The following NOX4 variants were observed in gnomAD, a reference collection of about 807,000 sequenced individuals.
NOX4 encodes kidney oxidase-1.
NOX4 carries 69 observed loss-of-function variants against 87.6 expected under a neutral mutation model. The ratio of observed to expected loss-of-function variants is 0.79; its 90% confidence interval spans 0.65 to 0.96. The LOEUF is 0.96. Ranked by LOEUF, NOX4 falls within the 40% of genes least tolerant of loss-of-function variation. The pLI is 0.00. For missense variants in NOX4, 680 were observed against 681.5 expected (o/e 1.00, Z 0.02); for synonymous variants, 275 against 238.2 (o/e 1.15, Z -1.42).
the NOX4 span, among the ~76,000 whole-genome samples, chr11:89,507,622 G>C: frequency 6.6e-6 from 1 of 151,482 alleles, no homozygotes; most frequent in Admixed American, 6.6e-5. Context: ...CTATCCCATG[G>C]GGCAATTCAG....
chr11:89,491,467 G>A (rs1337642383), upstream of NOX4: 6 of 523,084 alleles, frequency 1.1e-5, no homozygotes, highest in Non-Finnish European at 2.0e-5. Flanking sequence ...ACCCGCACCG[G>A]GTCAGCTCTG....
intron 8 of NOX4, among the ~76,000 whole-genome samples, chr11:89,408,126 G>A (rs1458636435): frequency 2.0e-5 from 3 of 152,060 alleles, no homozygotes; most frequent in Non-Finnish European, 4.4e-5. Context: ...TCTAACTTCT[G>A]TAGAATCCAC....
chr11:89,475,623 G>A (rs1946133878), intron 2 of NOX4, among the ~76,000 whole-genome samples: 1 of 152,012 alleles, frequency 6.6e-6, no homozygotes, highest in African/African-American at 2.4e-5. Flanking sequence ...GTAAAGCGCA[G>A]GCTTCAACAG....
At chr11:89,520,474 G>T in the NOX4 span, among the ~76,000 whole-genome samples, 1 of 152,010 alleles carries the variant, frequency 6.6e-6, no homozygotes, top group Admixed American at 6.6e-5. Context: ...GTAGTATGAA[G>T]ATGTTTAAAA....
chr11:89,466,004 G>A (rs2135428736), intron 2 of NOX4, among the ~76,000 whole-genome samples: 1 of 152,210 alleles, frequency 6.6e-6, no homozygotes, highest in Non-Finnish European at 1.5e-5. Flanking sequence ...TATAAGAAGA[G>A]GAGGACACCA....
intron 11 of NOX4, among the ~76,000 whole-genome samples, chr11:89,394,621 T>C (rs1941350258): frequency 6.6e-6 from 1 of 152,128 alleles, no homozygotes; most frequent in Admixed American, 6.6e-5. Flanking sequence ...TCATTTACAT[T>C]AGGTATTTCT....
chr11:89,587,138 C>T, the NOX4 span, among the ~76,000 whole-genome samples: 151 of 151,882 alleles, frequency 9.9e-4, no homozygotes, highest in African/African-American at 3.2e-3. Context: ...GGGCTGGCAC[C>T]CTATGGGGTC....
the NOX4 span, among the ~76,000 whole-genome samples, chr11:89,579,931 T>A: frequency 4.6e-5 from 7 of 151,864 alleles, no homozygotes; most frequent in African/African-American, 1.7e-4. Flanking sequence ...AAAAAGACCA[T>A]TTAGAAGATA....
At chr11:89,355,361 T>A (rs1269945923) in intron 12 of NOX4, among the ~76,000 whole-genome samples, 1 of 148,382 alleles carries the variant, frequency 6.7e-6, no homozygotes, top group Non-Finnish European at 1.5e-5. Flanking sequence ...TAAGCCTGGA[T>A]TAATATTTGA....
chr11:89,417,591 C>A lies in NOX4; in HGVS notation c.629+4311G>T, dbSNP rs368172686. ...CCATATCAAGGAATATTCCTTTGAG[C>A]TGCTAAGTAGTTTTCACTATGTTCA... On this transcript the variant is annotated intron_variant, in intron 8 of 17. Coordinates refer to ENST00000263317, the MANE Select transcript of NOX4 (RefSeq NM_016931.5). 3.6e-4 allele frequency among the ~76,000 whole-genome samples: 55 copies of A among 152,214 alleles called. No individual in the cohort carries two copies. In the East Asian group the frequency reaches 9.7e-3, roughly 27 times the overall value.
rs183567625 is a variant in NOX4, at chr11:89,352,472, C to T, written c.1217+2490G>A. On this transcript the variant is annotated intron_variant, in intron 13 of 17. Coordinates refer to ENST00000263317, the MANE Select transcript of NOX4 (RefSeq NM_016931.5). ...GCTATAGCTACCATAGACAGTGATG[C>T]TTCTGGTAGATCTGGGCAATGTAAA... 2.6e-5 allele frequency among the ~76,000 whole-genome samples: 4 copies of T among 152,248 alleles called. No homozygotes were observed. The East Asian group carries it at 7.7e-4, about 29-fold the overall frequency.
At chr11:89,525,293 C>A in the NOX4 span, among the ~76,000 whole-genome samples, 1 of 151,956 alleles carries the variant, frequency 6.6e-6, no homozygotes, top group Non-Finnish European at 1.5e-5. Context: ...TAAGAAACTG[C>A]CAAAGAGTTT....
At chr11:89,535,666 T>C in the NOX4 span, among the ~76,000 whole-genome samples, 3 of 151,978 alleles carry the variant, frequency 2.0e-5, no homozygotes, top group East Asian at 1.9e-4. Flanking sequence ...ATAGGCACTG[T>C]GCTCTGGGAT....
At chr11:89,587,695 T>G in the NOX4 span, among the ~76,000 whole-genome samples, 1 of 152,158 alleles carries the variant, frequency 6.6e-6, no homozygotes, top group African/African-American at 2.4e-5. Flanking sequence ...AATTTTATAA[T>G]AGTTAAAAAT....
the NOX4 span, among the ~76,000 whole-genome samples, chr11:89,567,534 A>C: frequency 2.0e-5 from 3 of 152,172 alleles, no homozygotes; most frequent in Non-Finnish European, 4.4e-5. Flanking sequence ...GGAAACTTAC[A>C]ATCATGATGG....
chr11:89,367,702 C>T (rs1939111954), intron 12 of NOX4, among the ~76,000 whole-genome samples: 3 of 151,968 alleles, frequency 2.0e-5, no homozygotes, highest in Admixed American at 2.0e-4. Context: ...CAGGGTGACC[C>T]ATATAAAGGG....
At chr11:89,444,665 C>T (rs1944612034) in intron 4 of NOX4, among the ~76,000 whole-genome samples, 1 of 152,050 alleles carries the variant, frequency 6.6e-6, no homozygotes. Context: ...TAATACATAT[C>T]TTGCATACTT....
intron 2 of NOX4, among the ~76,000 whole-genome samples, chr11:89,455,803 A>G (rs74793612): frequency 0.022 from 3,397 of 151,102 alleles, 138 homozygotes; most frequent in African/African-American, 0.078. Flanking sequence ...TACTCCCACA[A>G]TCTGTAGGCA....
chr11:89,468,010 C>G (rs370414627), intron 2 of NOX4, among the ~76,000 whole-genome samples: 191 of 152,246 alleles, frequency 1.3e-3, no homozygotes, highest in South Asian at 9.5e-3. Flanking sequence ...TTTTACTTAT[C>G]AGTAAATTTA....
Sources: gnomAD v4.1 joint callset for allele counts (sites outside exome capture counted in the v4.1 genomes callset) on GRCh38, gnomAD v4.1.1 for gene constraint, MANE v1.5 for transcripts, NCBI Gene and HGNC (gene_info 2026-07-23, HGNC 2026-07-21) for gene names.